The following KHDRBS2 variants were observed in gnomAD, a reference collection of about 807,000 sequenced individuals.
KHDRBS2 encodes KH domain-containing, RNA-binding, signal transduction-associated protein 2.
A neutral mutation model predicts 44.3 loss-of-function variants in KHDRBS2; 26 were observed. The ratio of observed to expected loss-of-function variants is 0.59; its 90% CI spans 0.43 to 0.81. The LOEUF is 0.81. Ranked by LOEUF, KHDRBS2 falls within the 40% of genes least tolerant of loss-of-function variation. The pLI, the probability that KHDRBS2 is intolerant of heterozygous loss-of-function variation, is 0.00. For missense variants in KHDRBS2, 476 were observed against 433.1 expected (o/e 1.10, Z -0.88); for synonymous variants, 194 against 151.1 (o/e 1.28, Z -2.08).
intron 7 of KHDRBS2, among the ~76,000 whole-genome samples, chr6:61,711,888 A>G (rs1258314896): frequency 6.6e-6 from 1 of 151,902 alleles, no homozygotes; most frequent in African/African-American, 2.4e-5. Flanking sequence ...CATAACAAAC[A>G]ACTACAAAAT....
chr6:61,916,665 A>G (rs1336256182), intron 4 of KHDRBS2, among the ~76,000 whole-genome samples: 1 of 151,980 alleles, frequency 6.6e-6, no homozygotes, highest in African/African-American at 2.4e-5. Context: ...CAAATATACA[A>G]AAAACTCATT....
chr6:61,927,213 G>A (rs940385499), intron 4 of KHDRBS2, among the ~76,000 whole-genome samples: 2 of 151,920 alleles, frequency 1.3e-5, no homozygotes, highest in African/African-American at 4.8e-5. Flanking sequence ...GTCCTTAGGA[G>A]AATAAATGAT....
intron 1 of KHDRBS2, among the ~76,000 whole-genome samples, chr6:62,223,447 T>C (rs1831239825): frequency 6.6e-6 from 1 of 152,200 alleles, no homozygotes; most frequent in Non-Finnish European, 1.5e-5. Context: ...CGTGAAGACC[T>C]AGACTTGCCC....
intron 6 of KHDRBS2, among the ~76,000 whole-genome samples, chr6:61,801,540 C>G (rs559678085): frequency 6.6e-6 from 1 of 152,208 alleles, no homozygotes; most frequent in Non-Finnish European, 1.5e-5. Context: ...AGAAAGAACA[C>G]TGATGAATAG....
intron 4 of KHDRBS2, among the ~76,000 whole-genome samples, chr6:61,973,575 C>G (rs774799561): frequency 6.6e-6 from 1 of 152,122 alleles, no homozygotes; most frequent in Non-Finnish European, 1.5e-5. Flanking sequence ...CACTAAGACA[C>G]ACATCCAACT....
intron 6 of KHDRBS2, among the ~76,000 whole-genome samples, chr6:61,824,560 C>T (rs1461040494): frequency 6.6e-6 from 1 of 152,072 alleles, no homozygotes; most frequent in African/African-American, 2.4e-5. Context: ...GTGTAATGGA[C>T]TAAGACATCA....
intron 6 of KHDRBS2, among the ~76,000 whole-genome samples, chr6:61,823,318 T>C (rs1790289843): frequency 6.6e-6 from 1 of 152,086 alleles, no homozygotes; most frequent in East Asian, 1.9e-4. Flanking sequence ...AAAAGTTGTA[T>C]ATAATTTTTG....
At chr6:62,079,782 C>T (rs1332801336) in intron 2 of KHDRBS2, among the ~76,000 whole-genome samples, 8 of 151,950 alleles carry the variant, frequency 5.3e-5, no homozygotes, top group Non-Finnish European at 7.4e-5. Context: ...CAGACATATC[C>T]TAAGTTTCCA....
the KHDRBS2 span, among the ~76,000 whole-genome samples, chr6:61,674,427 T>C: frequency 1.4e-4 from 21 of 151,780 alleles, no homozygotes; most frequent in Admixed American, 2.6e-4. Context: ...TTGGCTTTGC[T>C]ATACATCTTA....
chr6:62,006,240 A>C lies in KHDRBS2; in HGVS notation c.337-28028T>G, dbSNP rs150314657. On this transcript the variant is annotated intron_variant, in intron 3 of 8. Coordinates refer to ENST00000281156, the MANE Select transcript of KHDRBS2 (RefSeq NM_152688.4). ...TACAGAGACTGACACAGACTTCTTA[A>C]AGGCAACAATGGAAGACAAAAAGAA... Among the ~76,000 whole-genome samples, 319 of 152,176 alleles carry C rather than the reference A, an allele frequency of 2.1e-3. 2 individuals carry two copies. The highest frequency in any genetic ancestry group is 6.9e-3 in the African/African-American group (289 of 41,584).
the KHDRBS2 span, among the ~76,000 whole-genome samples, chr6:61,567,698 T>TTTC: frequency 9.2e-6 from 1 of 108,350 alleles, no homozygotes; most frequent in Admixed American, 9.6e-5. Flanking sequence ...TCCTTTCCCC[T>TTTC]TTCTTCTTCT....
chr6:61,951,097 T>A (rs1398564334), intron 4 of KHDRBS2, among the ~76,000 whole-genome samples: 1 of 152,058 alleles, frequency 6.6e-6, no homozygotes, highest in Admixed American at 6.6e-5. Flanking sequence ...GAACATTCTA[T>A]GGTTCTATAA....
intron 4 of KHDRBS2, among the ~76,000 whole-genome samples, chr6:61,913,742 C>T (rs1384434424): frequency 6.6e-6 from 1 of 151,926 alleles, no homozygotes; most frequent in Non-Finnish European, 1.5e-5. Flanking sequence ...CAGCAGTGCC[C>T]TACTCAAAGA....
At chr6:62,261,141 A>T (rs1838267426) in intron 1 of KHDRBS2, among the ~76,000 whole-genome samples, 1 of 151,982 alleles carries the variant, frequency 6.6e-6, no homozygotes, top group African/African-American at 2.4e-5. Context: ...TTTAAGTAGC[A>T]TTAAGCAAAT....
chr6:62,135,178 G>T (rs1484791228), intron 2 of KHDRBS2, among the ~76,000 whole-genome samples: 1 of 152,134 alleles, frequency 6.6e-6, no homozygotes, highest in Non-Finnish European at 1.5e-5. Flanking sequence ...GGAGATAATT[G>T]AATCATGGGG....
intron 8 of KHDRBS2, among the ~76,000 whole-genome samples, chr6:61,688,959 C>T (rs1476059855): frequency 1.3e-5 from 2 of 151,856 alleles, no homozygotes; most frequent in African/African-American, 2.4e-5. Flanking sequence ...ATGGTCATGC[C>T]GGGAAGACTA....
chr6:61,948,704 G>T (rs188616217), intron 4 of KHDRBS2, among the ~76,000 whole-genome samples: 40 of 130,406 alleles, frequency 3.1e-4, no homozygotes, highest in Non-Finnish European at 5.7e-4. Flanking sequence ...TTAGAGATGA[G>T]GTCTTGCTAT....
intron 3 of KHDRBS2, among the ~76,000 whole-genome samples, chr6:61,993,675 T>A (rs2343667): frequency 0.016 from 1,220 of 74,014 alleles, 17 homozygotes; most frequent in South Asian, 0.032. Flanking sequence ...ATATATATAT[T>A]TTTTTTTTTT....
intron 6 of KHDRBS2, among the ~76,000 whole-genome samples, chr6:61,808,125 T>A (rs139351193): frequency 1.8e-3 from 274 of 152,310 alleles, no homozygotes; most frequent in African/African-American, 6.2e-3. Flanking sequence ...TTAAGCTTTA[T>A]TTAAAATGAT....
Sources: allele counts gnomAD v4.1 joint callset (sites outside exome capture counted in the v4.1 genomes callset), GRCh38; gene constraint gnomAD v4.1.1; transcripts MANE v1.5; gene names NCBI Gene and HGNC (gene_info 2026-07-23, HGNC 2026-07-21).